The following TAOK3 variants were observed in gnomAD, a reference collection of about 807,000 sequenced individuals.
TAOK3 encodes the protein TAO kinase 3.
A neutral mutation model predicts 120.4 loss-of-function variants in TAOK3; 40 were observed. The observed-to-expected ratio is 0.33, with a 90% CI of 0.26 to 0.43. The LOEUF (loss-of-function observed/expected upper bound fraction) is 0.43. Among genes scored for constraint, TAOK3 ranks in the 20% least tolerant of loss-of-function variants. The probability of loss-of-function intolerance (pLI) is 1.00; values close to 1 mark genes in which losing one functional copy is unlikely to be tolerated. For synonymous variants in TAOK3, 355 were observed against 387.5 expected (o/e 0.92, Z 0.99); for missense variants, 821 against 1,112.1 (o/e 0.74, Z 3.72).
At chr12:118,269,738 G>C (rs1489835182) in intron 1 of TAOK3, among the ~76,000 whole-genome samples, 1 of 152,078 alleles carries the variant, frequency 6.6e-6, no homozygotes, top group Non-Finnish European at 1.5e-5. Context: ...CTCTATATAT[G>C]TTCTAAAATT....
chr12:118,250,660 T>C (rs2040710446), intron 3 of TAOK3, among the ~76,000 whole-genome samples: 2 of 152,170 alleles, frequency 1.3e-5, no homozygotes, highest in Admixed American at 6.5e-5. Flanking sequence ...GATAAGATAG[T>C]GAGTTAATAT....
chr12:118,258,209 T>A (rs765999946), intron 2 of TAOK3, among the ~76,000 whole-genome samples: 4 of 151,926 alleles, frequency 2.6e-5, no homozygotes, highest in Non-Finnish European at 5.9e-5. Flanking sequence ...TATTAAGAAG[T>A]TTAGACTTTA....
intron 17 of TAOK3, among the ~76,000 whole-genome samples, chr12:118,163,797 C>T (rs927039892): frequency 3.9e-5 from 6 of 151,998 alleles, no homozygotes; most frequent in South Asian, 4.1e-4. Flanking sequence ...CAGCAACCTC[C>T]GCCTCCCAGG....
intron 1 of TAOK3, among the ~76,000 whole-genome samples, chr12:118,317,813 A>G (rs2043533148): frequency 6.6e-6 from 1 of 152,220 alleles, no homozygotes; most frequent in African/African-American, 2.4e-5. Flanking sequence ...AATCTAAAAA[A>G]GACAAACAAA....
intron 1 of TAOK3, among the ~76,000 whole-genome samples, chr12:118,336,271 G>C (rs894003811): frequency 6.6e-6 from 1 of 152,082 alleles, no homozygotes; most frequent in African/African-American, 2.4e-5. Flanking sequence ...AATAAAGAAA[G>C]AACCCAGAAA....
At chr12:118,362,407 T>C (rs2045626668) in intron 1 of TAOK3, among the ~76,000 whole-genome samples, 1 of 151,324 alleles carries the variant, frequency 6.6e-6, no homozygotes, top group African/African-American at 2.4e-5. Context: ...TTGTGCCCCA[T>C]TCAAAGCCAT....
intron 14 of TAOK3, among the ~76,000 whole-genome samples, chr12:118,183,951 G>C (rs1228925129): frequency 2.0e-5 from 3 of 152,168 alleles, no homozygotes; most frequent in Non-Finnish European, 4.4e-5. Context: ...AAAGATAAAA[G>C]GGAAATGAGT....
At chr12:118,365,115 G>C (rs1047268888) in intron 1 of TAOK3, among the ~76,000 whole-genome samples, 2 of 152,204 alleles carry the variant, frequency 1.3e-5, no homozygotes, top group African/African-American at 4.8e-5. Flanking sequence ...TAGGTGCCTA[G>C]ATCTTTCCCA....
At chr12:118,242,035 C>T (rs1454224452) in intron 5 of TAOK3, among the ~76,000 whole-genome samples, 5 of 150,142 alleles carry the variant, frequency 3.3e-5, no homozygotes, top group Non-Finnish European at 5.9e-5. Flanking sequence ...TGCAGTCAGC[C>T]GAGATCGCGC....
intron 1 of TAOK3, among the ~76,000 whole-genome samples, chr12:118,360,862 T>G (rs1219484820): frequency 1.3e-5 from 2 of 152,178 alleles, no homozygotes; most frequent in South Asian, 2.1e-4. Context: ...TAAACAGAAC[T>G]TTTCCAGAAA....
chr12:118,162,902 A>G (rs2035315685), intron 17 of TAOK3, among the ~76,000 whole-genome samples: 1 of 152,232 alleles, frequency 6.6e-6, no homozygotes, highest in African/African-American at 2.4e-5. Context: ...AGCACTATAT[A>G]TGAAGATCAG....
At chr12:118,206,720 C>A (rs1247683886) in intron 11 of TAOK3, among the ~76,000 whole-genome samples, 2 of 152,014 alleles carry the variant, frequency 1.3e-5, no homozygotes, top group Non-Finnish European at 2.9e-5. Context: ...TTTCAGCCTC[C>A]CAAGTAGCTG....
chr12:118,270,761 G>A (rs1001288409), intron 1 of TAOK3, among the ~76,000 whole-genome samples: 2 of 145,790 alleles, frequency 1.4e-5, no homozygotes, highest in South Asian at 2.2e-4. Flanking sequence ...TGCAAGCTCC[G>A]CCTCCCGGGT....
At chr12:118,212,224 T>C (rs1565954502) in intron 11 of TAOK3, among the ~76,000 whole-genome samples, 1 of 151,800 alleles carries the variant, frequency 6.6e-6, no homozygotes, top group Admixed American at 6.6e-5. Flanking sequence ...ACAGAAAGGG[T>C]TGAAAAACAA....
rs1294295893 is a variant in TAOK3, at chr12:118,177,287, T to C, written c.1609A>G (p.Ile537Val). 1 of 1,613,838 alleles carries C rather than the reference T, an allele frequency of 6.2e-7. No homozygotes were observed. The highest frequency in any genetic ancestry group is 1.7e-5 in the Admixed American group (1 of 60,010). The part of the protein sequence containing the change: ...AADEKKFQQQ[I>V]LAQQKKDLTT... ...AAATCTTTCTTCTGCTGGGCCAAGA[T>C]CTGTTGCTGGAACTTCTTCTCATCT... Residue 537 changes from isoleucine to valine, a missense_variant, in exon 16 of 21, where the codon ATC (isoleucine) becomes GTC (valine). Ile to Val is a conservative substitution (Grantham distance 29). Around this residue, in one of 2 missense-constraint regions of TAOK3, gnomAD observed 354 missense variants for 572.1 expected, o/e 0.62. Coordinates refer to ENST00000392533, the MANE Select transcript of TAOK3 (RefSeq NM_016281.4).
intron 17 of TAOK3, 104 bp downstream of exon 17, chr12:118,172,344 AAAAGGCTAG>A: frequency 8.6e-7 from 1 of 1,161,050 alleles, no homozygotes; most frequent in Non-Finnish European, 1.3e-6. Context: ...CCACTGTGCT[AAAAGGCTAG>A]AAAGGCTAGG....
intron 1 of TAOK3, among the ~76,000 whole-genome samples, chr12:118,367,181 TAAAG>T (rs1420380540): frequency 1.3e-5 from 2 of 152,156 alleles, no homozygotes; most frequent in African/African-American, 4.8e-5. Context: ...TGATAACAAA[TAAAG>T]AAATTGGCCC....
chr12:118,322,355 T>TAA, intron 1 of TAOK3, among the ~76,000 whole-genome samples: 1 of 151,872 alleles, frequency 6.6e-6, no homozygotes, highest in Non-Finnish European at 1.5e-5. Flanking sequence ...GACACTGCGT[T>TAA]TGTTCTTTGA....
intron 3 of TAOK3, chr12:118,246,477 G>A (rs1363099034): frequency 6.5e-7 from 1 of 1,546,384 alleles, no homozygotes; most frequent in Non-Finnish European, 8.8e-7. Flanking sequence ...TGCTATCGGG[G>A]ACTACAATGG....
Sources: gnomAD v4.1 joint callset for allele counts (sites outside exome capture counted in the v4.1 genomes callset) on GRCh38, gnomAD v4.1.1 for gene constraint, gnomAD v4.1.1 regional missense constraint, MANE v1.5 for transcripts, NCBI Gene and HGNC (gene_info 2026-07-23, HGNC 2026-07-21) for gene names.